DNAH10: variants seen among roughly 807,000 people sequenced by gnomAD.
DNAH10 encodes the protein axonemal beta dynein heavy chain 10.
DNAH10 carries 348 observed loss-of-function variants against 506.6 expected under a neutral mutation model. The observed-to-expected ratio is 0.69, with a 90% confidence interval of 0.63 to 0.75. DNAH10 has a LOEUF of 0.75. Ranked by LOEUF, DNAH10 falls within the 30% of genes least tolerant of loss-of-function variation. DNAH10 has a pLI of 0.00. For synonymous variants in DNAH10, 2,059 were observed against 2,198.6 expected, an observed-to-expected ratio of 0.94 and a Z score of 1.78; for missense variants, 5,179 against 5,787.1, an observed-to-expected ratio of 0.89 and a Z score of 3.41.
Position 123,857,172 on chromosome 12 carries a change from C to T in DNAH10, c.6555C>T (p.Arg2185=), listed in dbSNP as rs747236855. The change falls in exon 37 of 79, where the codon CGC becomes CGT. Residue 2185 remains arginine, a synonymous_variant. Transcript: ENST00000673944. ...TGTTTCCTGGGCTGGACTGCCCTCG[C>T]GTCCGCTACCCTGACTTCAACGATG... The part of the protein sequence containing the change: ...SDLFPGLDCP[R]VRYPDFNDAV... The T allele has an allele frequency of 5.0e-6, 8 of 1,609,550 alleles. No individual in the cohort carries two copies. Among genetic ancestry groups the T allele is most frequent in the Non-Finnish European group, 5.1e-6 (6 of 1,178,026 alleles).
Position 123,928,587 on chromosome 12 carries a change from G to A in DNAH10, c.12306G>A (p.Lys4102=). The change falls in exon 70 of 79, where the codon AAG becomes AAA. Residue 4102 remains lysine (K), a splice_region_variant and synonymous_variant. Transcript: ENST00000673944. This position sits in a 1 kb window ranked among gnomAD's most constrained non-coding sequence, Gnocchi z 4.9. ...FPIGILQKSL[K]VVTEPPNGLK... ...TTGGGATTCTGCAGAAGTCCCTAAA[G>A]GTCTGGCTTCAGGATGGACATCAAC... 6.3e-7 allele frequency: 1 copy of A among 1,595,258 alleles called. No individual in the cohort carries two copies. Among genetic ancestry groups the A allele is most frequent in the Non-Finnish European group, 8.5e-7 (1 of 1,170,884 alleles).
At chr12:123,780,738 C>T (rs899507634) in intron 5 of DNAH10, among the ~76,000 whole-genome samples, 2 of 151,284 alleles carry the variant, frequency 1.3e-5, no homozygotes, top group African/African-American at 4.8e-5. Context: ...ATCATGAGGT[C>T]AGGAGATCGA....
intron 39 of DNAH10, among the ~76,000 whole-genome samples, chr12:123,864,152 T>TC: frequency 6.7e-6 from 1 of 148,694 alleles, no homozygotes; most frequent in African/African-American, 2.5e-5. Flanking sequence ...TCTTTTTTTT[T>TC]TTTTTTTTTT....
At chr12:123,900,229 A>G (rs1255723678) in intron 56 of DNAH10, among the ~76,000 whole-genome samples, 2 of 152,192 alleles carry the variant, frequency 1.3e-5, no homozygotes, top group Non-Finnish European at 2.9e-5. Flanking sequence ...TTTAAAAACT[A>G]TATATTTCTG....
At position 123,787,094 on chromosome 12, in the gene DNAH10, G is replaced by A. The variant is rs1396783980; in HGVS notation, c.1422-710G>A. Among the ~76,000 whole-genome samples the A allele has an allele frequency of 1.3e-5, 2 of 152,136 alleles. No homozygotes were observed. Among genetic ancestry groups the A allele is most frequent in the African/African-American group, 4.8e-5 (2 of 41,416 alleles). On this transcript the variant is annotated intron_variant, in intron 9 of 78. Coordinates refer to ENST00000673944, the MANE Select transcript of DNAH10 (RefSeq NM_001372106.1). The surrounding 1 kb of genome is among the most constrained non-coding windows in gnomAD (Gnocchi z 4.6). ...GTGGAGGTTGCAGTGAGCCGAGATT[G>A]CACCTGTCTATATCTGTATCTATAT...
At chr12:123,833,437 T>A in intron 27 of DNAH10, 90 bp downstream of exon 27, 1 of 998,892 alleles carries the variant, frequency 1.0e-6, no homozygotes, top group Non-Finnish European at 1.5e-6. Context: ...AACTTTTATA[T>A]GAGGATATTT....
rs1953943391 is a variant in DNAH10 at position 123,909,067 on chromosome 12, G to A, written c.9816-194G>A. ...GCGCCTGGTCTGGAACCTGAGAGGGGGACCCGGCCCTGCCCTTAGGGACGC... is the reference window on the plus strand; with the variant it reads ...GCGCCTGGTCTGGAACCTGAGAGGGAGACCCGGCCCTGCCCTTAGGGACGC... On this transcript the variant is annotated intron_variant, in intron 57 of 78. Transcript: ENST00000673944. This position sits in a 1 kb window ranked among gnomAD's most constrained non-coding sequence, Gnocchi z 5.4. Among the ~76,000 whole-genome samples the A allele has an allele frequency of 2.6e-5, 4 of 152,182 alleles. No homozygotes were observed. The highest frequency in any genetic ancestry group is 5.9e-5 in the Non-Finnish European group (4 of 68,030).
In DNAH10 at chr12:123,925,429, T is replaced by C. The variant is rs1954901410; in HGVS notation, c.11921+225T>C. ...GCCACATATGCAGTTTCGAAAGTTCTAGTAGCTACATTAGAAAAGAAATGG... is the reference window on the plus strand; with the variant it reads ...GCCACATATGCAGTTTCGAAAGTTCCAGTAGCTACATTAGAAAAGAAATGG... On this transcript the variant is annotated intron_variant, in intron 68 of 78. Transcript: ENST00000673944. The surrounding 1 kb of genome is among the most constrained non-coding windows in gnomAD (Gnocchi z 4.0). 2 of 449,204 alleles carry C rather than the reference T, an allele frequency of 4.5e-6. No individual in the cohort carries two copies. Among genetic ancestry groups the C allele is most frequent in the African/African-American group, 2.0e-5 (1 of 50,056 alleles). The allele number at this position is 449,204 out of a possible 1,614,324, so 27.8% of individuals were successfully genotyped here. A position where few individuals can be genotyped will look rare whatever the true frequency, so the allele number is the denominator to read the frequency against.
chr12:123,921,621 C>T (rs1313261117), intron 65 of DNAH10, among the ~76,000 whole-genome samples: 3 of 149,630 alleles, frequency 2.0e-5, no homozygotes, highest in Non-Finnish European at 4.4e-5. Context: ...TTATCTCCTC[C>T]TCATGTGAGA....
chr12:123,787,297 G>A lies in DNAH10; in HGVS notation c.1422-507G>A, dbSNP rs1957892037. ...CTATGTATATGTATTTATATAGATA[G>A]CATATAAATGGAATCAGACACTATA... On this transcript the variant is annotated intron_variant, in intron 9 of 78. Transcript: ENST00000673944. The surrounding 1 kb of genome is among the most constrained non-coding windows in gnomAD (Gnocchi z 4.6). Among the ~76,000 whole-genome samples, 1 of 151,832 alleles carries A rather than the reference G, an allele frequency of 6.6e-6. No homozygotes were observed. Among genetic ancestry groups the A allele is most frequent in the Non-Finnish European group, 1.5e-5 (1 of 67,982 alleles).
chr12:123,873,460 A>T, intron 45 of DNAH10, 98 bp from the exon 46 acceptor site: 1 of 1,440,192 alleles, frequency 6.9e-7, no homozygotes, highest in East Asian at 2.3e-5. Context: ...TTCAGAGGCC[A>T]ATGGATTTGC....
At chr12:123,843,345 G>T (rs1042153648) in intron 30 of DNAH10, among the ~76,000 whole-genome samples, 5 of 152,054 alleles carry the variant, frequency 3.3e-5, no homozygotes, top group Non-Finnish European at 5.9e-5. Context: ...TGATCCTATG[G>T]CCTCAGCTGC....
chr12:123,801,253 A>G (rs376071204), intron 15 of DNAH10, 28 bp from the exon 16 acceptor site: 1 of 1,606,436 alleles, frequency 6.2e-7, no homozygotes, highest in Admixed American at 1.7e-5. Context: ...TGCTCTCCTC[A>G]GGTTTATGAC....
intron 36 of DNAH10, among the ~76,000 whole-genome samples, chr12:123,856,773 AATT>A (rs1374511206): frequency 2.0e-5 from 3 of 147,746 alleles, no homozygotes; most frequent in Admixed American, 6.8e-5. Context: ...TAAAAAATAA[AATT>A]ATATAATTTC....
intron 50 of DNAH10, among the ~76,000 whole-genome samples, 156 bp from the exon 51 acceptor site, chr12:123,881,469 G>C (rs1233195659): frequency 6.6e-6 from 1 of 152,044 alleles, no homozygotes; most frequent in East Asian, 1.9e-4. Flanking sequence ...GTGTCTGTTC[G>C]TATCCTTCGC....
intron 43 of DNAH10, among the ~76,000 whole-genome samples, chr12:123,868,942 G>A (rs1253297845): frequency 1.3e-5 from 2 of 152,246 alleles, no homozygotes; most frequent in Non-Finnish European, 2.9e-5. Context: ...CACGCTGGCT[G>A]TGCGTTGCTG....
Position 123,928,961 on chromosome 12 carries a change from A to AG in DNAH10, c.12307-312dup. ...TATTCTCCGGGAAATTCTTTTGGAA[A>AG]GGTTTTGTCATTCTCTGTCTCTCTC... On this transcript the variant is annotated intron_variant, in intron 70 of 78. Transcript: ENST00000673944. This position sits in a 1 kb window ranked among gnomAD's most constrained non-coding sequence, Gnocchi z 4.9. The AG allele has an allele frequency of 6.3e-6, 3 of 474,076 alleles. No individual in the cohort carries two copies. Among genetic ancestry groups the AG allele is most frequent in the Non-Finnish European group, 1.1e-5 (3 of 269,658 alleles). The allele number at this position is 474,076 out of a possible 1,614,324, so 29.4% of individuals were successfully genotyped here.
chr12:123,897,095 C>T (rs1953285655), intron 54 of DNAH10, among the ~76,000 whole-genome samples: 1 of 152,186 alleles, frequency 6.6e-6, no homozygotes, highest in Non-Finnish European at 1.5e-5. Context: ...TAAGTGGAAT[C>T]ATGCAATGTT....
chr12:123,773,796 G>A (rs548151746), intron 4 of DNAH10, among the ~76,000 whole-genome samples: 1 of 152,246 alleles, frequency 6.6e-6, no homozygotes, highest in African/African-American at 2.4e-5. Flanking sequence ...TTCAACATGT[G>A]GATTTTGGGG....
Sources: allele counts gnomAD v4.1 joint callset (sites outside exome capture counted in the v4.1 genomes callset), GRCh38; gene constraint gnomAD v4.1.1; non-coding constraint Gnocchi (gnomAD v3.1); transcripts MANE v1.5; gene names NCBI Gene and HGNC (gene_info 2026-07-23, HGNC 2026-07-21).